CAPN13: variants seen among roughly 807,000 people sequenced by gnomAD.
CAPN13 encodes calpain 13, also known as calpain-13.
In CAPN13, 90 loss-of-function variants were observed where a neutral mutation model predicts 98.4. The observed-to-expected ratio is 0.92, with a 90% confidence interval of 0.77 to 1.09. The LOEUF is 1.09. Among genes scored for constraint, CAPN13 ranks in the 50% least tolerant of loss-of-function variants. CAPN13 has a pLI of 0.00. For synonymous variants in CAPN13, 330 were observed against 305.5 expected (o/e 1.08, Z -0.84); for missense variants, 887 against 841.3 (o/e 1.05, Z -0.67).
chr2:30,743,994 G>A (rs1671790511), intron 12 of CAPN13, among the ~76,000 whole-genome samples: 1 of 152,138 alleles, frequency 6.6e-6, no homozygotes, highest in Non-Finnish European at 1.5e-5. Flanking sequence ...TTACAGAATT[G>A]AATTCTTTTC....
At chr2:30,767,940 G>T (rs1001189080) in intron 5 of CAPN13, among the ~76,000 whole-genome samples, 1 of 152,116 alleles carries the variant, frequency 6.6e-6, no homozygotes. Context: ...GCTTAACTAC[G>T]TGCACCTGCC....
chr2:30,731,193 T>G, intron 21 of CAPN13, 151 bp downstream of exon 21: 1 of 622,968 alleles, frequency 1.6e-6, no homozygotes. Context: ...CGGCCAGCGA[T>G]ATATAAGGCA....
At chr2:30,777,771 TCA>T in intron 2 of CAPN13, 132 bp from the exon 3 acceptor site, 1 of 743,146 alleles carries the variant, frequency 1.3e-6, no homozygotes. Flanking sequence ...TTAGGAAAGT[TCA>T]CCACGTTCTT....
intron 10 of CAPN13, 42 bp from the exon 11 acceptor site, chr2:30,751,293 T>G (rs1353924983): frequency 1.2e-6 from 2 of 1,605,948 alleles, no homozygotes; most frequent in East Asian, 2.2e-5. Flanking sequence ...GCTCCACTCC[T>G]GGGACTCCTG....
intron 8 of CAPN13, among the ~76,000 whole-genome samples, chr2:30,755,295 T>C (rs1177832843): frequency 6.6e-6 from 1 of 152,066 alleles, no homozygotes; most frequent in African/African-American, 2.4e-5. Flanking sequence ...TGAGCTTCCA[T>C]AGCCCACTGT....
intron 20 of CAPN13, 73 bp downstream of exon 20, chr2:30,732,365 G>A: frequency 1.9e-6 from 3 of 1,587,272 alleles, no homozygotes; most frequent in Non-Finnish European, 2.6e-6. Flanking sequence ...GGGTGGGGTA[G>A]GGGGTGTCCG....
chr2:30,807,210 T>A (rs1675683485), intron 1 of CAPN13, 92 bp downstream of exon 1: 1 of 152,160 alleles, frequency 6.6e-6, no homozygotes, highest in Non-Finnish European at 1.5e-5. Flanking sequence ...AGAAGCGACA[T>A]CATGAAGCTC....
At chr2:30,765,041 A>G (rs751434405) in intron 5 of CAPN13, among the ~76,000 whole-genome samples, 3 of 152,086 alleles carry the variant, frequency 2.0e-5, no homozygotes, top group Non-Finnish European at 4.4e-5. Flanking sequence ...TCTCCAAAGC[A>G]TCTCTTCCTG....
At chr2:30,757,399 T>C (rs187810141) in intron 8 of CAPN13, among the ~76,000 whole-genome samples, 1 of 152,344 alleles carries the variant, frequency 6.6e-6, no homozygotes, top group Admixed American at 6.5e-5. Flanking sequence ...TGGGCCCCCA[T>C]GGGACATCTT....
At chr2:30,785,621 A>G (rs1195892779) in intron 2 of CAPN13, among the ~76,000 whole-genome samples, 2 of 152,168 alleles carry the variant, frequency 1.3e-5, no homozygotes, top group Non-Finnish European at 2.9e-5. Context: ...CCCCCAAAAG[A>G]CATCACAAGT....
At chr2:30,743,315 T>A in intron 13 of CAPN13, 68 bp downstream of exon 13, 7 of 1,396,814 alleles carry the variant, frequency 5.0e-6, no homozygotes, top group Non-Finnish European at 7.1e-6. Flanking sequence ...GAACTGCCCA[T>A]AATTACACAA....
intron 1 of CAPN13, among the ~76,000 whole-genome samples, chr2:30,806,717 G>A (rs763489655): frequency 6.6e-6 from 1 of 152,204 alleles, no homozygotes; most frequent in Non-Finnish European, 1.5e-5. Context: ...AGAGACACAT[G>A]TGTGTGACCA....
chr2:30,755,387 TATC>T lies in CAPN13; in HGVS notation c.867-1026_867-1024del, dbSNP rs1388698327. Among the ~76,000 whole-genome samples the T allele has an allele frequency of 3.9e-5, 6 of 152,190 alleles. No individual in the cohort carries two copies. The East Asian group carries it at 1.2e-3, about 29-fold the overall frequency. ...GATTCCTGAGCCTGGCTGGCCATCC[TATC>T]ATCACAGGTGTTTTGCCCATGCCTT... On this transcript the variant is annotated intron_variant, in intron 8 of 22. Coordinates refer to ENST00000295055, the MANE Select transcript of CAPN13 (RefSeq NM_144575.3).
At chr2:30,787,071 A>G (rs954090361) in intron 2 of CAPN13, 57 bp downstream of exon 2, 24 of 1,394,106 alleles carry the variant, frequency 1.7e-5, no homozygotes, top group Non-Finnish European at 2.2e-5. Context: ...TGGAGGTGCC[A>G]TGGCAGGCGA....
intron 2 of CAPN13, among the ~76,000 whole-genome samples, chr2:30,777,997 G>A (rs766138487): frequency 5.3e-5 from 8 of 152,218 alleles, no homozygotes; most frequent in Admixed American, 1.3e-4. Context: ...ACATTTATTA[G>A]AGGAGAGGTT....
At chr2:30,757,979 TGGG>T in intron 8 of CAPN13, 64 bp downstream of exon 8, 1 of 1,231,310 alleles carries the variant, frequency 8.1e-7, no homozygotes, top group South Asian at 1.5e-5. Flanking sequence ...CCTGCTCTCA[TGGG>T]CAGGAGGCTC....
At chr2:30,802,547 G>C (rs545372796) in intron 1 of CAPN13, among the ~76,000 whole-genome samples, 18,249 of 142,720 alleles carry the variant, frequency 0.13, 1,476 homozygotes, top group Non-Finnish European at 0.16. Flanking sequence ...CAGGCTGGGG[G>C]GGGGGGGTGG....
chr2:30,801,796 C>T (rs1352268198), intron 1 of CAPN13, among the ~76,000 whole-genome samples: 2 of 151,988 alleles, frequency 1.3e-5, no homozygotes, highest in Non-Finnish European at 2.9e-5. Context: ...TGAGATGGCC[C>T]AGACGCAGGG....
At chr2:30,768,344 G>A (rs962376011) in intron 5 of CAPN13, among the ~76,000 whole-genome samples, 6 of 152,246 alleles carry the variant, frequency 3.9e-5, no homozygotes, top group African/African-American at 1.4e-4. Flanking sequence ...CTGATGAGGA[G>A]TTCAGAGGAA....
Sources: allele counts gnomAD v4.1 joint callset (sites outside exome capture counted in the v4.1 genomes callset), GRCh38; gene constraint gnomAD v4.1.1; transcripts MANE v1.5; gene names NCBI Gene and HGNC (gene_info 2026-07-23, HGNC 2026-07-21).